Variants in ROR2 observed in about 807,000 individuals in gnomAD.
The protein encoded by ROR2 is ROR family WNT receptor 2, also known as tyrosine-protein kinase transmembrane receptor ROR2.
A neutral mutation model predicts 74.9 loss-of-function variants in ROR2; 33 were observed. The observed-to-expected ratio is 0.44, with a 90% CI of 0.33 to 0.59. ROR2 has a LOEUF of 0.59. Among genes scored for constraint, ROR2 ranks in the 20% least tolerant of loss-of-function variants. The pLI, the probability that ROR2 is intolerant of heterozygous loss-of-function variation, is 0.02. For synonymous variants in ROR2, 586 were observed against 558.7 expected, an observed-to-expected ratio of 1.05 and a Z score of -0.69; for missense variants, 1,216 against 1,313.8, an observed-to-expected ratio of 0.93 and a Z score of 1.15.
intron 2 of ROR2, among the ~76,000 whole-genome samples, chr9:91,760,886 A>G (rs377616739): frequency 6.6e-6 from 1 of 152,242 alleles, no homozygotes; most frequent in African/African-American, 2.4e-5. Context: ...ATCTTCACAT[A>G]TATTTTTAGG....
At chr9:91,805,960 G>A (rs776384495) in intron 1 of ROR2, among the ~76,000 whole-genome samples, 11 of 152,088 alleles carry the variant, frequency 7.2e-5, no homozygotes, top group Non-Finnish European at 1.0e-4. Context: ...AAGTATATTC[G>A]GGCAGTTGAG....
chr9:91,814,823 G>A (rs1827875904), intron 1 of ROR2, among the ~76,000 whole-genome samples: 1 of 152,222 alleles, frequency 6.6e-6, no homozygotes, highest in African/African-American at 2.4e-5. Flanking sequence ...CCTCCGGCAT[G>A]GCTGGACGAT....
At chr9:91,920,708 T>C (rs12684752) in intron 1 of ROR2, among the ~76,000 whole-genome samples, 21,215 of 151,988 alleles carry the variant, frequency 0.14, 2,161 homozygotes, top group East Asian at 0.28. Flanking sequence ...CTCTGGGGTG[T>C]GAAGCAGATA....
intron 1 of ROR2, among the ~76,000 whole-genome samples, chr9:91,850,666 T>A (rs1402232707): frequency 6.6e-6 from 1 of 152,166 alleles, no homozygotes; most frequent in Non-Finnish European, 1.5e-5. Context: ...GATAAATTTG[T>A]CTTGTTTTAA....
chr9:91,825,229 TAA>T (rs1286086351), intron 1 of ROR2, among the ~76,000 whole-genome samples: 1 of 152,018 alleles, frequency 6.6e-6, no homozygotes, highest in Non-Finnish European at 1.5e-5. Context: ...GGACACGCAA[TAA>T]AGTTAAAGCT....
chr9:91,729,426 T>G (rs1300187559), intron 7 of ROR2, among the ~76,000 whole-genome samples: 2 of 152,234 alleles, frequency 1.3e-5, no homozygotes, highest in Non-Finnish European at 2.9e-5. Flanking sequence ...TCTCCCATAA[T>G]GAACACATTC....
At chr9:91,853,252 C>G (rs1321908609) in intron 1 of ROR2, among the ~76,000 whole-genome samples, 2 of 152,132 alleles carry the variant, frequency 1.3e-5, no homozygotes, top group African/African-American at 2.4e-5. Context: ...GACTCAACGG[C>G]CAGAGGGCGG....
intron 3 of ROR2, 56 bp from the exon 4 acceptor site, chr9:91,756,157 C>A: frequency 6.3e-7 from 1 of 1,576,190 alleles, no homozygotes; most frequent in Non-Finnish European, 8.7e-7. Flanking sequence ...TGGAATACAA[C>A]CTTCTTCAAA....
intron 2 of ROR2, among the ~76,000 whole-genome samples, chr9:91,762,125 T>C (rs1285266927): frequency 6.6e-6 from 1 of 152,182 alleles, no homozygotes; most frequent in Non-Finnish European, 1.5e-5. Context: ...TGGCCAGTGA[T>C]TCCTCATTGC....
intron 2 of ROR2, among the ~76,000 whole-genome samples, chr9:91,773,371 G>C (rs980119421): frequency 2.0e-5 from 3 of 151,886 alleles, no homozygotes; most frequent in African/African-American, 7.3e-5. Context: ...CACAGCTGCC[G>C]TGTGATTTTT....
At chr9:91,757,744 GA>G (rs1825806844) in intron 2 of ROR2, among the ~76,000 whole-genome samples, 185 bp from the exon 3 acceptor site, 1 of 152,048 alleles carries the variant, frequency 6.6e-6, no homozygotes, top group Non-Finnish European at 1.5e-5. Context: ...AGTGAATACT[GA>G]ACCACTGCTC....
In ROR2 at chr9:91,724,150, TCA is replaced by T; in HGVS notation, c.2342_2343del (p.Val781GlufsTer114). 1 of 1,611,710 alleles carries T rather than the reference TCA, an allele frequency of 6.2e-7. No homozygotes were observed. Among genetic ancestry groups the T allele is most frequent in the Non-Finnish European group, 8.5e-7 (1 of 1,179,998 alleles). ...SSLSTSPVSN[V>X]SNARYVGPKQ... ...TTGGGCCCCACGTAGCGGGCGTTGC[TCA>T]CATTGCTCACTGGGCTGGTGCTCAG... On this transcript the variant is annotated frameshift_variant, in exon 9 of 9. Transcript: ENST00000375708. LOFTEE classifies it high-confidence loss of function.
chr9:91,768,092 A>G (rs1202654748), intron 2 of ROR2, among the ~76,000 whole-genome samples: 2 of 152,020 alleles, frequency 1.3e-5, no homozygotes, highest in Admixed American at 6.6e-5. Context: ...ACAGAGCACC[A>G]TGGGCACCAA....
At position 91,733,608 on chromosome 9, in the gene ROR2, C is replaced by G. The variant is rs1750230728; in HGVS notation, c.623-172G>C. ...CCGCACACCACCCTGGAGAGGCTCC[C>G]CACCAGCAGGCCAGCCTGCCCATCA... On this transcript the variant is annotated intron_variant, in intron 5 of 8. Transcript: ENST00000375708. The surrounding 1 kb of genome is among the most constrained non-coding windows in gnomAD (Gnocchi z 5.7). Among the ~76,000 whole-genome samples, 1 of 151,910 alleles carries G rather than the reference C, an allele frequency of 6.6e-6. No individual in the cohort carries two copies. Among genetic ancestry groups the G allele is most frequent in the Non-Finnish European group, 1.5e-5 (1 of 67,956 alleles).
intron 1 of ROR2, among the ~76,000 whole-genome samples, chr9:91,857,841 T>G (rs1296958137): frequency 2.6e-5 from 4 of 152,148 alleles, no homozygotes; most frequent in African/African-American, 9.7e-5. Flanking sequence ...AACGGAGTAT[T>G]TAGCGCTCTC....
At chr9:91,728,402 A>G (rs1454552595) in intron 7 of ROR2, among the ~76,000 whole-genome samples, 1 of 149,230 alleles carries the variant, frequency 6.7e-6, no homozygotes, top group Non-Finnish European at 1.5e-5. Context: ...AATGAACTTT[A>G]TTTTATTTAT....
chr9:91,897,336 T>A (rs772037298), intron 1 of ROR2, among the ~76,000 whole-genome samples: 3 of 152,250 alleles, frequency 2.0e-5, no homozygotes, highest in East Asian at 1.9e-4. Flanking sequence ...AGGGAAGACA[T>A]GCCTATCCCA....
chr9:91,795,563 T>A (rs895459898), intron 1 of ROR2, among the ~76,000 whole-genome samples: 1 of 152,238 alleles, frequency 6.6e-6, no homozygotes, highest in Non-Finnish European at 1.5e-5. Flanking sequence ...CAGACACTGC[T>A]TACTTCCCAC....
At position 91,733,094 on chromosome 9, in the gene ROR2, G is replaced by A; in HGVS notation, c.937+28C>T. The A allele has an allele frequency of 6.4e-7, 1 of 1,561,696 alleles. No individual in the cohort carries two copies. Among genetic ancestry groups the A allele is most frequent in the Non-Finnish European group, 8.6e-7 (1 of 1,156,784 alleles). Reference sequence around the variant, plus strand: ...GGCCCTACACTCCCTGCGCCCCCCGGTCCCGCCCCGGGCCCTCGGGCACTC... The same window carrying A: ...GGCCCTACACTCCCTGCGCCCCCCGATCCCGCCCCGGGCCCTCGGGCACTC... On this transcript the variant is annotated intron_variant, in intron 6 of 8. Transcript: ENST00000375708. This position sits in a 1 kb window ranked among gnomAD's most constrained non-coding sequence, Gnocchi z 5.7.
Sources: gnomAD v4.1 joint callset for allele counts (sites outside exome capture counted in the v4.1 genomes callset) on GRCh38, gnomAD v4.1.1 for gene constraint, Gnocchi (gnomAD v3.1) non-coding constraint, MANE v1.5 for transcripts, NCBI Gene and HGNC (gene_info 2026-07-23, HGNC 2026-07-21) for gene names.